The following KLHL32 variants were observed in gnomAD, a reference collection of about 807,000 sequenced individuals.
KLHL32 encodes kelch-like protein 32.
KLHL32 carries 35 observed loss-of-function variants against 64.8 expected under a neutral mutation model. That is an observed-to-expected ratio of 0.54 (90% CI 0.41 to 0.72). KLHL32 has a LOEUF of 0.72. KLHL32 is among the 30% of genes least tolerant of loss of function. The probability of loss-of-function intolerance (pLI) is 0.00; values close to 1 mark genes in which losing one functional copy is unlikely to be tolerated. For synonymous variants in KLHL32, 259 were observed against 281.0 expected, an observed-to-expected ratio of 0.92 and a Z score of 0.78; for missense variants, 589 against 768.5, an observed-to-expected ratio of 0.77 and a Z score of 2.76.
chr6:97,090,669 C>T (rs566167719), intron 6 of KLHL32, among the ~76,000 whole-genome samples: 12 of 152,212 alleles, frequency 7.9e-5, no homozygotes, highest in Non-Finnish European at 1.8e-4. Flanking sequence ...AGATGTCAAA[C>T]AATACTATTA....
At chr6:97,029,919 G>A (rs1582773453) in intron 3 of KLHL32, among the ~76,000 whole-genome samples, 1 of 152,186 alleles carries the variant, frequency 6.6e-6, no homozygotes, top group Non-Finnish European at 1.5e-5. Flanking sequence ...TTATGTAACA[G>A]TGGGCATATA....
At chr6:97,009,011 C>G in intron 3 of KLHL32, among the ~76,000 whole-genome samples, 1 of 152,000 alleles carries the variant, frequency 6.6e-6, no homozygotes, top group East Asian at 1.9e-4. Context: ...CACATACTTT[C>G]TGGCTGTGTA....
At chr6:97,054,022 G>T (rs922593686) in intron 4 of KLHL32, among the ~76,000 whole-genome samples, 5 of 151,886 alleles carry the variant, frequency 3.3e-5, no homozygotes, top group African/African-American at 1.2e-4. Flanking sequence ...TGAGCCCTCT[G>T]CTGGAAGTAT....
chr6:96,959,960 C>T (rs1773706303), intron 1 of KLHL32, among the ~76,000 whole-genome samples: 1 of 152,016 alleles, frequency 6.6e-6, no homozygotes, highest in Non-Finnish European at 1.5e-5. Context: ...GAATAGTTCC[C>T]TTTTTTACTG....
intron 5 of KLHL32, 71 bp from the exon 6 acceptor site, chr6:97,085,055 A>T: frequency 1.5e-6 from 2 of 1,346,772 alleles, no homozygotes. Flanking sequence ...AGTCAATCTG[A>T]ATTTCTTGCC....
In KLHL32 at chr6:97,041,629, T is replaced by C. The variant is rs1453674658; in HGVS notation, c.312+30T>C. 2.2e-6 allele frequency: 3 copies of C among 1,334,338 alleles called. No individual in the cohort carries two copies. The East Asian group carries it at 6.9e-5, about 31-fold the overall frequency. The allele number at this position is 1,334,338 out of a possible 1,614,324, so 82.7% of individuals were successfully genotyped here. The stretch of plus-strand genomic sequence containing the variant: ...GGTATTAAATGTGATCTGTAAAGTT[T>C]AACATTTCAACTACATCTAACCAAA... On this transcript the variant is annotated intron_variant, in intron 4 of 10. Coordinates refer to ENST00000369261, the MANE Select transcript of KLHL32 (RefSeq NM_052904.4).
chr6:96,937,556 C>G (rs1562173495), intron 1 of KLHL32, among the ~76,000 whole-genome samples: 1 of 152,180 alleles, frequency 6.6e-6, no homozygotes, highest in East Asian at 1.9e-4. Context: ...CCCTGTCCCC[C>G]TCAGGGAGAT....
chr6:97,004,916 G>T (rs1038073153), intron 3 of KLHL32, among the ~76,000 whole-genome samples: 1 of 152,004 alleles, frequency 6.6e-6, no homozygotes, highest in East Asian at 1.9e-4. Context: ...GTTCATCAAG[G>T]CTATTGGCCT....
chr6:97,005,102 G>A (rs992565936), intron 3 of KLHL32, among the ~76,000 whole-genome samples: 3 of 152,028 alleles, frequency 2.0e-5, no homozygotes, highest in Non-Finnish European at 4.4e-5. Context: ...CTGTGAATCT[G>A]TCTGGTCCTG....
chr6:97,033,551 G>A (rs1410852110), intron 3 of KLHL32, among the ~76,000 whole-genome samples: 1 of 152,062 alleles, frequency 6.6e-6, no homozygotes, highest in African/African-American at 2.4e-5. Flanking sequence ...CCAGAAGTGA[G>A]ATTGTTAGAT....
intron 7 of KLHL32, 101 bp from the exon 8 acceptor site, chr6:97,127,303 C>A: frequency 1.1e-6 from 1 of 936,526 alleles, no homozygotes. Context: ...CAAACAGATC[C>A]TCAGCAGTAG....
chr6:97,031,200 G>C (rs1192825632), intron 3 of KLHL32, among the ~76,000 whole-genome samples: 1 of 151,956 alleles, frequency 6.6e-6, no homozygotes, highest in Non-Finnish European at 1.5e-5. Context: ...ATCACCAAGT[G>C]GTATCCAATG....
chr6:97,125,187 A>C (rs963903142), intron 7 of KLHL32, among the ~76,000 whole-genome samples: 1 of 152,220 alleles, frequency 6.6e-6, no homozygotes, highest in Non-Finnish European at 1.5e-5. Flanking sequence ...TAATAGCCAA[A>C]GCCAATTATA....
intron 1 of KLHL32, among the ~76,000 whole-genome samples, chr6:96,939,736 T>TA (rs1297466114): frequency 6.6e-6 from 1 of 152,072 alleles, no homozygotes; most frequent in African/African-American, 2.4e-5. Context: ...TAAAGATAGG[T>TA]ATCTTTATCA....
chr6:96,901,458 A>G, the KLHL32 span, among the ~76,000 whole-genome samples: 2 of 151,550 alleles, frequency 1.3e-5, no homozygotes, highest in African/African-American at 2.4e-5. Context: ...CCCTCTTTCC[A>G]TCGTAACACC....
At chr6:97,051,904 C>T (rs1199048354) in intron 4 of KLHL32, among the ~76,000 whole-genome samples, 1 of 152,172 alleles carries the variant, frequency 6.6e-6, no homozygotes, top group Non-Finnish European at 1.5e-5. Context: ...ACAACTCTTA[C>T]TAGAAGTTCA....
At chr6:96,946,783 T>G (rs1469362734) in intron 1 of KLHL32, among the ~76,000 whole-genome samples, 2 of 152,162 alleles carry the variant, frequency 1.3e-5, no homozygotes, top group African/African-American at 2.4e-5. Context: ...CATCTTTCCC[T>G]TTACTATTCC....
rs113333600 is a variant in KLHL32, at chr6:96,986,673, T to C, written c.204+10496T>C. 1.1e-3 allele frequency among the ~76,000 whole-genome samples: 174 copies of C among 152,290 alleles called. 1 individual carries two copies. The highest frequency in any genetic ancestry group is 4.0e-3 in the African/African-American group (168 of 41,576). Reference sequence around the variant, plus strand: ...CGTGGGTGTAGGACCCTCCAAGCAATGCACGGGATATAATCTCCTGGTGTG... The same window carrying C: ...CGTGGGTGTAGGACCCTCCAAGCAACGCACGGGATATAATCTCCTGGTGTG... On this transcript the variant is annotated intron_variant, in intron 3 of 10. Coordinates refer to ENST00000369261, the MANE Select transcript of KLHL32 (RefSeq NM_052904.4).
chr6:97,103,317 G>A (rs561547794), intron 6 of KLHL32, among the ~76,000 whole-genome samples: 8 of 151,016 alleles, frequency 5.3e-5, no homozygotes, highest in Admixed American at 4.6e-4. Flanking sequence ...AGGTTCATGC[G>A]ATTCTCCTGC....
Sources: allele counts gnomAD v4.1 joint callset (sites outside exome capture counted in the v4.1 genomes callset), GRCh38; gene constraint gnomAD v4.1.1; transcripts MANE v1.5; gene names NCBI Gene and HGNC (gene_info 2026-07-23, HGNC 2026-07-21).